TBC1D5: variants seen among roughly 807,000 people sequenced by gnomAD.
The protein encoded by TBC1D5 is TBC1 domain family, member 5.
Under a neutral mutation model 100.3 loss-of-function variants are expected in TBC1D5, and 75 were observed. The observed-to-expected ratio is 0.75, with a 90% CI of 0.62 to 0.91. TBC1D5 has a LOEUF of 0.91. TBC1D5 is among the 40% of genes least tolerant of loss of function. TBC1D5 has a pLI of 0.00. For missense variants in TBC1D5, 910 were observed against 942.4 expected (o/e 0.97, Z 0.45); for synonymous variants, 323 against 325.6 (o/e 0.99, Z 0.09).
chr3:17,255,303 C>A (rs752715051), intron 16 of TBC1D5, among the ~76,000 whole-genome samples: 2 of 152,130 alleles, frequency 1.3e-5, no homozygotes, highest in Non-Finnish European at 1.5e-5. Flanking sequence ...TGGGTTCCAG[C>A]GTTTCTACTG....
At chr3:17,526,708 T>A (rs1051710843) in intron 2 of TBC1D5, among the ~76,000 whole-genome samples, 1 of 152,206 alleles carries the variant, frequency 6.6e-6, no homozygotes, top group African/African-American at 2.4e-5. Context: ...AAGCATTCAA[T>A]AAATATTAGC....
At chr3:17,269,922 T>C (rs939883738) in intron 15 of TBC1D5, among the ~76,000 whole-genome samples, 2 of 152,180 alleles carry the variant, frequency 1.3e-5, no homozygotes, top group African/African-American at 4.8e-5. Context: ...TTATTCCATG[T>C]ATTTGCTGTT....
At chr3:17,182,950 G>A (rs1028968067) in intron 19 of TBC1D5, among the ~76,000 whole-genome samples, 4 of 151,246 alleles carry the variant, frequency 2.6e-5, no homozygotes, top group Non-Finnish European at 4.4e-5. Flanking sequence ...CTCTTTAAAC[G>A]CAATCTTTAC....
At chr3:17,302,735 C>T (rs567240115) in intron 14 of TBC1D5, among the ~76,000 whole-genome samples, 111 of 152,238 alleles carry the variant, frequency 7.3e-4, no homozygotes, top group South Asian at 2.5e-3. Context: ...CATGTCATCA[C>T]GGAAGGAAGG....
chr3:17,417,047 A>C (rs2094093604), intron 4 of TBC1D5, among the ~76,000 whole-genome samples: 1 of 152,176 alleles, frequency 6.6e-6, no homozygotes, highest in Admixed American at 6.5e-5. Flanking sequence ...AAGGGTAAGA[A>C]GGCAATAGTA....
chr3:17,404,357 G>A (rs1299825457), intron 7 of TBC1D5, among the ~76,000 whole-genome samples: 1 of 151,776 alleles, frequency 6.6e-6, no homozygotes, highest in Non-Finnish European at 1.5e-5. Context: ...TTATTTTCAC[G>A]ACGAAGGGAG....
intron 15 of TBC1D5, among the ~76,000 whole-genome samples, chr3:17,281,540 T>G (rs543747865): frequency 6.6e-6 from 1 of 152,222 alleles, no homozygotes; most frequent in Non-Finnish European, 1.5e-5. Flanking sequence ...GTCCAGTCAC[T>G]ACTGAGGTAT....
At chr3:17,597,556 G>A (rs2060649803) in intron 2 of TBC1D5, among the ~76,000 whole-genome samples, 1 of 152,132 alleles carries the variant, frequency 6.6e-6, no homozygotes, top group African/African-American at 2.4e-5. Flanking sequence ...TACCCACTCT[G>A]TTCATGAAAT....
At chr3:17,585,272 T>C (rs1370315981) in intron 2 of TBC1D5, among the ~76,000 whole-genome samples, 1 of 152,252 alleles carries the variant, frequency 6.6e-6, no homozygotes, top group Non-Finnish European at 1.5e-5. Flanking sequence ...TGGGTTATTC[T>C]AACTTGATAT....
chr3:17,176,279 C>T (rs900956905), intron 19 of TBC1D5, among the ~76,000 whole-genome samples: 1 of 152,174 alleles, frequency 6.6e-6, no homozygotes, highest in African/African-American at 2.4e-5. Flanking sequence ...CAATCTGGCA[C>T]ATAGGAACTA....
In TBC1D5 at chr3:17,285,300, G is replaced by A. The variant is rs940119993; in HGVS notation, c.1245+6595C>T. Among the ~76,000 whole-genome samples, 7 of 121,194 alleles carry A rather than the reference G, an allele frequency of 5.8e-5. No individual in the cohort carries two copies. The Admixed American group carries it at 6.6e-4, about 11-fold the overall frequency. 79.5% of individuals were successfully genotyped at this position (121,194 alleles called of 152,430 possible). ...TTTTGAGACGGAGTCTCGCTCTGTCGCCCAGGCTGGAGTGCAGTGGCGCGA... is the reference window on the plus strand; with the variant it reads ...TTTTGAGACGGAGTCTCGCTCTGTCACCCAGGCTGGAGTGCAGTGGCGCGA... On this transcript the variant is annotated intron_variant, in intron 15 of 21. Transcript: ENST00000253692.
intron 18 of TBC1D5, among the ~76,000 whole-genome samples, chr3:17,192,153 G>A (rs944110924): frequency 2.2e-4 from 33 of 151,776 alleles, no homozygotes; most frequent in Admixed American, 1.2e-3. Context: ...ATTTTCGGTG[G>A]ATTTTCTACA....
At chr3:17,717,271 G>A (rs1276725278) in intron 1 of TBC1D5, among the ~76,000 whole-genome samples, 1 of 151,004 alleles carries the variant, frequency 6.6e-6, no homozygotes, top group African/African-American at 2.4e-5. Flanking sequence ...AAAAAAAAAG[G>A]GGGGTGGCTA....
chr3:17,188,827 G>T (rs1359967097), intron 18 of TBC1D5, among the ~76,000 whole-genome samples: 1 of 152,154 alleles, frequency 6.6e-6, no homozygotes, highest in Non-Finnish European at 1.5e-5. Flanking sequence ...TCATTAAACT[G>T]GTCCTCTGTA....
At chr3:17,661,470 T>TC (rs889815329) in intron 1 of TBC1D5, among the ~76,000 whole-genome samples, 12 of 152,172 alleles carry the variant, frequency 7.9e-5, no homozygotes, top group African/African-American at 2.6e-4. Flanking sequence ...TTGAACTTTT[T>TC]CTATATGATT....
chr3:17,462,568 G>A (rs1425901927), intron 3 of TBC1D5, among the ~76,000 whole-genome samples: 1 of 151,920 alleles, frequency 6.6e-6, no homozygotes, highest in African/African-American at 2.4e-5. Context: ...CAATCCTCCC[G>A]CCTCAGCCTC....
At chr3:17,356,726 G>C (rs1437367788) in intron 13 of TBC1D5, among the ~76,000 whole-genome samples, 1 of 152,162 alleles carries the variant, frequency 6.6e-6, no homozygotes, top group East Asian at 1.9e-4. Context: ...CAGAGGCAAA[G>C]AGGCCAATCA....
chr3:17,538,417 C>T (rs1382952757), intron 2 of TBC1D5, among the ~76,000 whole-genome samples: 2 of 152,154 alleles, frequency 1.3e-5, no homozygotes, highest in Non-Finnish European at 2.9e-5. Context: ...TGCACAACTT[C>T]AGCAAACCCA....
intron 2 of TBC1D5, among the ~76,000 whole-genome samples, chr3:17,556,651 A>G (rs1368362066): frequency 6.6e-6 from 1 of 152,234 alleles, no homozygotes; most frequent in Non-Finnish European, 1.5e-5. Flanking sequence ...TTTAAAAGAT[A>G]ATCTTAAATT....
Sources: allele counts gnomAD v4.1 joint callset (sites outside exome capture counted in the v4.1 genomes callset), GRCh38; gene constraint gnomAD v4.1.1; transcripts MANE v1.5; gene names NCBI Gene and HGNC (gene_info 2026-07-23, HGNC 2026-07-21).